SDK2: variants seen among roughly 807,000 people sequenced by gnomAD.
The protein encoded by SDK2 is protein sidekick-2.
SDK2 carries 105 observed loss-of-function variants against 253.9 expected under a neutral mutation model. The observed-to-expected ratio is 0.41, with a 90% CI of 0.35 to 0.49. The LOEUF is 0.49. Ranked by LOEUF, SDK2 falls within the 20% of genes least tolerant of loss-of-function variation. The probability of loss-of-function intolerance (pLI) is 0.06; values close to 1 mark genes in which losing one functional copy is unlikely to be tolerated. For synonymous variants in SDK2, 1,249 were observed against 1,234.9 expected (o/e 1.01, Z -0.24); for missense variants, 2,608 against 3,003.0 (o/e 0.87, Z 3.07).
intron 1 of SDK2, among the ~76,000 whole-genome samples, chr17:73,596,793 T>G (rs1018245793): frequency 6.6e-6 from 1 of 152,204 alleles, no homozygotes; most frequent in Non-Finnish European, 1.5e-5. Flanking sequence ...GGCCTCCAGA[T>G]GACAAGTCCC....
chr17:73,394,364 C>A, intron 25 of SDK2, 40 bp from the exon 26 acceptor site: 1 of 1,375,726 alleles, frequency 7.3e-7, no homozygotes, highest in South Asian at 1.5e-5. Flanking sequence ...ACTCAGGACC[C>A]AACGTTGACT....
Position 73,438,158 on chromosome 17 carries a change from C to T in SDK2, c.726-4G>A. The T allele has an allele frequency of 6.5e-7, 1 of 1,549,602 alleles. No individual in the cohort carries two copies. The highest frequency in any genetic ancestry group is 8.7e-7 in the Non-Finnish European group (1 of 1,145,658). ...GATATGTAGCTTGATCAGGGGCCTGCAGAGGGCAAGGGAAGGCCAGTGTTC... is the reference window on the plus strand; with the variant it reads ...GATATGTAGCTTGATCAGGGGCCTGTAGAGGGCAAGGGAAGGCCAGTGTTC... On this transcript the variant is annotated splice_region_variant and splice_polypyrimidine_tract_variant and intron_variant, in intron 6 of 44. Transcript: ENST00000392650.
At chr17:73,433,324 C>T (rs2063342228) in intron 10 of SDK2, among the ~76,000 whole-genome samples, 1 of 151,938 alleles carries the variant, frequency 6.6e-6, no homozygotes, top group African/African-American at 2.4e-5. Flanking sequence ...GCTCTGTCTC[C>T]CAGGCTGGAG....
chr17:73,431,533 G>C lies in SDK2; in HGVS notation c.1449C>G (p.Val483=), dbSNP rs754556933. ...YTCLATNSRG[V]DEASADLVVW... is the part of the protein sequence containing the mutation. ...CGACTAGGTCTGCTGAGGCCTCATC[G>C]ACCCCCCGAGAGTTGGTGGCCAGGC... is the stretch of plus-strand genomic sequence containing the variant. Residue 483 remains valine (V), a synonymous_variant, in exon 11 of 45, where the codon GTC becomes GTG. Coordinates refer to ENST00000392650, the MANE Select transcript of SDK2 (RefSeq NM_001144952.2). This position sits in a 1 kb window ranked among gnomAD's most constrained non-coding sequence, Gnocchi z 5.6. 9.9e-6 allele frequency: 16 copies of C among 1,613,402 alleles called. No individual in the cohort carries two copies. The Admixed American group carries it at 2.5e-4, about 25-fold the overall frequency.
intron 10 of SDK2, among the ~76,000 whole-genome samples, chr17:73,432,912 T>C (rs2063339109): frequency 6.6e-6 from 1 of 151,662 alleles, no homozygotes; most frequent in Admixed American, 6.6e-5. Flanking sequence ...AAGGTGAGTG[T>C]GCACACACAG....
rs377639571 is a variant in SDK2, at chr17:73,383,960, A to G, written c.4621T>C (p.Tyr1541His). The change falls in exon 33 of 45, where the codon TAC (tyrosine) becomes CAC (histidine). Residue 1541 changes from tyrosine to histidine, a missense_variant. Coordinates refer to ENST00000392650, the MANE Select transcript of SDK2 (RefSeq NM_001144952.2). This position sits in a 1 kb window ranked among gnomAD's most constrained non-coding sequence, Gnocchi z 4.3. ...AGTCCTTCATAGAGCAGCTCCCGGT[A>G]TCGGATCCGGAAGCCCAGGAGGATG... ...NGILLGFRIR[Y>H]RELLYEGLRG... 3.2e-5 allele frequency: 51 copies of G among 1,613,684 alleles called. No homozygotes were observed. Among genetic ancestry groups the G allele is most frequent in the Non-Finnish European group, 5.9e-6 (7 of 1,179,828 alleles).
intron 1 of SDK2, among the ~76,000 whole-genome samples, chr17:73,572,157 C>T (rs1016631987): frequency 1.2e-4 from 18 of 152,268 alleles, no homozygotes; most frequent in African/African-American, 4.1e-4. Context: ...GTTTTAGATT[C>T]GGTCCCCACA....
In SDK2 at chr17:73,383,568, T is replaced by C. The variant is rs1335264502; in HGVS notation, c.4705+308A>G. On this transcript the variant is annotated intron_variant, in intron 33 of 44. Transcript: ENST00000392650. The surrounding 1 kb of genome is among the most constrained non-coding windows in gnomAD (Gnocchi z 4.3). ...GGGGAAGCCTTGCCTGTCCCTGGCTTTAGGTCCTCCTAGAATGTTTCCTTC... is the reference window on the plus strand; with the variant it reads ...GGGGAAGCCTTGCCTGTCCCTGGCTCTAGGTCCTCCTAGAATGTTTCCTTC... Among the ~76,000 whole-genome samples the C allele has an allele frequency of 6.6e-6, 1 of 152,166 alleles. No individual in the cohort carries two copies. Among genetic ancestry groups the C allele is most frequent in the Non-Finnish European group, 1.5e-5 (1 of 68,002 alleles).
Position 73,443,866 on chromosome 17 carries a change from CT to C in SDK2, c.614-2944del, listed in dbSNP as rs2063433280. ...GAATTCAGGCCCCAGCTCAACAAAT[CT>C]TTCCTAGGTGAATGCTTGACACGTG... On this transcript the variant is annotated intron_variant, in intron 5 of 44. Coordinates refer to ENST00000392650, the MANE Select transcript of SDK2 (RefSeq NM_001144952.2). This position sits in a 1 kb window ranked among gnomAD's most constrained non-coding sequence, Gnocchi z 4.6. Among the ~76,000 whole-genome samples, 1 of 152,182 alleles carries C rather than the reference CT, an allele frequency of 6.6e-6. No individual in the cohort carries two copies. The highest frequency in any genetic ancestry group is 2.4e-5 in the African/African-American group (1 of 41,430).
chr17:73,488,415 G>A (rs756292236), intron 2 of SDK2, among the ~76,000 whole-genome samples: 10 of 152,292 alleles, frequency 6.6e-5, no homozygotes, highest in Non-Finnish European at 1.0e-4. Context: ...ATTAGAGAAC[G>A]ATATGAGCAT....
At chr17:73,638,332 C>T (rs902867984) in intron 1 of SDK2, among the ~76,000 whole-genome samples, 9 of 152,154 alleles carry the variant, frequency 5.9e-5, no homozygotes, top group African/African-American at 2.2e-4. Flanking sequence ...CCTCCAGAGA[C>T]ACCAATAATA....
In SDK2 at chr17:73,401,268, C is replaced by A; in HGVS notation, c.2780-57G>T. 2.1e-6 allele frequency: 3 copies of A among 1,419,102 alleles called. No homozygotes were observed. In the South Asian group the frequency reaches 4.1e-5, roughly 19 times the overall value. 87.9% of individuals were successfully genotyped at this position (1,419,102 alleles called of 1,614,324 possible). ...GGCTGTGATCACAAGTTGGCCTGAC[C>A]CACTACTCCACTTCTCACTTCTCCA... On this transcript the variant is annotated intron_variant, in intron 20 of 44. Transcript: ENST00000392650.
Position 73,502,728 on chromosome 17 carries a change from C to G in SDK2, c.224+4710G>C, listed in dbSNP as rs543671450. Among the ~76,000 whole-genome samples the G allele has an allele frequency of 2.6e-5, 4 of 152,346 alleles. No homozygotes were observed. In the South Asian group the frequency reaches 8.3e-4, roughly 32 times the overall value. ...CTTATCCCAACCACCATAGTAATAA[C>G]TGATTCGGGTAAGACTCTTCAATGG... is the stretch of plus-strand genomic sequence containing the variant. On this transcript the variant is annotated intron_variant, in intron 2 of 44. Transcript: ENST00000392650.
Position 73,546,164 on chromosome 17 carries a change from C to T in SDK2, c.65-38567G>A, listed in dbSNP as rs376987101. On this transcript the variant is annotated intron_variant, in intron 1 of 44. Transcript: ENST00000392650. ...GGAAGCCTGGACCCACCCCAGCTGC[C>T]CCCTCCGCCTTTCTCCCCTCCCTGA... Among the ~76,000 whole-genome samples, 4 of 152,164 alleles carry T rather than the reference C, an allele frequency of 2.6e-5. No individual in the cohort carries two copies. In the East Asian group the frequency reaches 5.8e-4, roughly 22 times the overall value.
At chr17:73,603,939 T>C (rs1224317338) in intron 1 of SDK2, among the ~76,000 whole-genome samples, 1 of 151,788 alleles carries the variant, frequency 6.6e-6, no homozygotes, top group Non-Finnish European at 1.5e-5. Context: ...GGAGAAGAGG[T>C]GTCATAAAGA....
intron 2 of SDK2, among the ~76,000 whole-genome samples, chr17:73,480,598 A>G (rs1348321521): frequency 6.6e-6 from 1 of 152,126 alleles, no homozygotes; most frequent in Non-Finnish European, 1.5e-5. Flanking sequence ...AGCAGCCCTA[A>G]GGATCTGCTG....
chr17:73,485,382 CAG>C (rs1294041623), intron 2 of SDK2, among the ~76,000 whole-genome samples: 1 of 152,148 alleles, frequency 6.6e-6, no homozygotes, highest in African/African-American at 2.4e-5. Context: ...ATGTCAGAGA[CAG>C]AGATTCCTGA....
chr17:73,519,985 A>G (rs1290769717), intron 1 of SDK2: 2 of 152,248 alleles, frequency 1.3e-5, no homozygotes, highest in Admixed American at 1.3e-4. Flanking sequence ...TGCTCAGCCC[A>G]TTCTAGTCCC....
rs558506017 is a variant in SDK2 at position 73,552,564 on chromosome 17, T to C, written c.65-44967A>G. On this transcript the variant is annotated intron_variant, in intron 1 of 44. Transcript: ENST00000392650. Reference sequence around the variant, plus strand: ...GTGTACTCGGCCGGAGTACCCATCATGAGCCACTTAGATTAGCTTCTCGGC... The same window carrying C: ...GTGTACTCGGCCGGAGTACCCATCACGAGCCACTTAGATTAGCTTCTCGGC... 5.9e-5 allele frequency among the ~76,000 whole-genome samples: 9 copies of C among 152,266 alleles called. No homozygotes were observed. In the East Asian group the frequency reaches 1.7e-3, roughly 29 times the overall value.
Sources: gnomAD v4.1 joint callset for allele counts (sites outside exome capture counted in the v4.1 genomes callset) on GRCh38, gnomAD v4.1.1 for gene constraint, Gnocchi (gnomAD v3.1) non-coding constraint, MANE v1.5 for transcripts, NCBI Gene and HGNC (gene_info 2026-07-23, HGNC 2026-07-21) for gene names.